The following MSRA variants were observed in gnomAD, a reference collection of about 807,000 sequenced individuals.
The protein encoded by MSRA is mitochondrial peptide methionine sulfoxide reductase.
MSRA carries 54 observed loss-of-function variants against 31.3 expected under a neutral mutation model. The observed-to-expected ratio is 1.73, with a 90% CI of 1.39 to 2.17. The LOEUF (loss-of-function observed/expected upper bound fraction) is 2.17, where lower values mean the gene tolerates loss of function less well. Ranked by LOEUF, MSRA falls within the 30% of genes most tolerant of loss-of-function variation. The pLI, the probability that MSRA is intolerant of heterozygous loss-of-function variation, is 0.00. For missense variants in MSRA, 507 were observed against 300.9 expected (o/e 1.69, Z -5.07); for synonymous variants, 169 against 116.5 (o/e 1.45, Z -2.90).
chr8:10,185,926 CAGAGGGGTTATTGA>C (rs1807008166), intron 1 of MSRA, among the ~76,000 whole-genome samples: 1 of 151,878 alleles, frequency 6.6e-6, no homozygotes. Flanking sequence ...AAGCACAACT[CAGAGGGGTTATTGA>C]CCTGTGCAAA....
chr8:10,213,432 CTT>C (rs1198665886), intron 2 of MSRA, among the ~76,000 whole-genome samples: 851 of 76,674 alleles, frequency 0.011, 9 homozygotes, highest in African/African-American at 0.042. Flanking sequence ...ACCACACTTT[CTT>C]TTTTTTTTTT....
chr8:10,188,882 A>C (rs1430510401), intron 1 of MSRA, among the ~76,000 whole-genome samples: 2 of 152,226 alleles, frequency 1.3e-5, no homozygotes, highest in African/African-American at 4.8e-5. Flanking sequence ...TAAACTTTAG[A>C]GTCAATTCAT....
chr8:10,198,829 A>G (rs371526369), intron 1 of MSRA, among the ~76,000 whole-genome samples: 13 of 152,196 alleles, frequency 8.5e-5, no homozygotes, highest in South Asian at 4.1e-4. Context: ...GAGTCTCGCT[A>G]TGTTGCCCAG....
chr8:10,322,462 C>G (rs1483848288), intron 5 of MSRA, among the ~76,000 whole-genome samples: 1 of 152,094 alleles, frequency 6.6e-6, no homozygotes, highest in Non-Finnish European at 1.5e-5. Flanking sequence ...AGGGACAGGT[C>G]CAGGTCCAGG....
At chr8:10,354,785 A>G (rs1004386818) in intron 5 of MSRA, among the ~76,000 whole-genome samples, 7 of 146,988 alleles carry the variant, frequency 4.8e-5, no homozygotes, top group Non-Finnish European at 1.0e-4. Context: ...TATACCAGTT[A>G]TATAATAAAA....
chr8:10,302,618 A>T (rs527386583), intron 4 of MSRA, among the ~76,000 whole-genome samples: 1 of 152,198 alleles, frequency 6.6e-6, no homozygotes, highest in African/African-American at 2.4e-5. Context: ...ATCCCATTCT[A>T]GGGCTTTTTG....
chr8:10,252,886 G>C (rs75155943), intron 3 of MSRA, among the ~76,000 whole-genome samples: 1 of 152,178 alleles, frequency 6.6e-6, no homozygotes, highest in Non-Finnish European at 1.5e-5. Context: ...TAAAATTTGA[G>C]TGACTCTATG....
chr8:10,320,593 T>C (rs1801994503), intron 5 of MSRA, among the ~76,000 whole-genome samples: 1 of 152,260 alleles, frequency 6.6e-6, no homozygotes, highest in South Asian at 2.1e-4. Flanking sequence ...TCTGAAACTC[T>C]CTCTTTTTTT....
At chr8:10,107,847 A>G (rs1410424707) in intron 1 of MSRA, among the ~76,000 whole-genome samples, 1 of 152,164 alleles carries the variant, frequency 6.6e-6, no homozygotes, top group African/African-American at 2.4e-5. Flanking sequence ...TACCTAAATT[A>G]TCCCCGGATA....
intron 1 of MSRA, among the ~76,000 whole-genome samples, chr8:10,055,401 G>C (rs930958681): frequency 4.6e-5 from 7 of 152,216 alleles, no homozygotes; most frequent in Admixed American, 4.6e-4. Context: ...TCAAAATCTT[G>C]GCAATTTCTG....
intron 3 of MSRA, among the ~76,000 whole-genome samples, chr8:10,293,781 G>T (rs1336810763): frequency 1.3e-5 from 2 of 151,810 alleles, no homozygotes; most frequent in Non-Finnish European, 2.9e-5. Flanking sequence ...TTGCCCTCTG[G>T]GGCTCCTGTG....
At chr8:10,324,121 C>A (rs34704307) in intron 5 of MSRA, among the ~76,000 whole-genome samples, 3 of 152,234 alleles carry the variant, frequency 2.0e-5, no homozygotes, top group Non-Finnish European at 4.4e-5. Flanking sequence ...GCTGTGGTCT[C>A]TTTTGCACTG....
At chr8:10,105,769 C>T (rs921290537) in intron 1 of MSRA, among the ~76,000 whole-genome samples, 4 of 152,160 alleles carry the variant, frequency 2.6e-5, no homozygotes, top group African/African-American at 9.7e-5. Context: ...GTGGCTGAGG[C>T]TCCTTGTGTA....
At chr8:10,168,401 G>A (rs1002875086) in intron 1 of MSRA, among the ~76,000 whole-genome samples, 4 of 152,124 alleles carry the variant, frequency 2.6e-5, no homozygotes. Context: ...ATGTCACTGG[G>A]CATCTCCAGC....
rs548312102 is a variant in MSRA, at chr8:10,154,330, C to T, written c.143-53503C>T. On this transcript the variant is annotated intron_variant, in intron 1 of 5. Transcript: ENST00000317173. The stretch of plus-strand genomic sequence containing the variant: ...AGCACCCAAATCGGCTTCACTGCTT[C>T]AATACGATGGAAGGCTGAAGGACAC... Among the ~76,000 whole-genome samples the T allele has an allele frequency of 4.6e-5, 7 of 152,130 alleles. No homozygotes were observed. The East Asian group carries it at 1.4e-3, about 29-fold the overall frequency.
chr8:10,148,912 C>T (rs920847478), intron 1 of MSRA, among the ~76,000 whole-genome samples: 5 of 149,988 alleles, frequency 3.3e-5, no homozygotes, highest in Non-Finnish European at 1.5e-5. Context: ...CCGATGAGTC[C>T]GAGTGAGGGG....
chr8:10,348,693 G>C, intron 5 of MSRA, among the ~76,000 whole-genome samples: 1 of 152,066 alleles, frequency 6.6e-6, no homozygotes, highest in African/African-American at 2.4e-5. Flanking sequence ...TAGAAGTTCA[G>C]TTCATACTAC....
At chr8:10,272,737 A>C (rs1442566366) in intron 3 of MSRA, among the ~76,000 whole-genome samples, 1 of 152,184 alleles carries the variant, frequency 6.6e-6, no homozygotes, top group Admixed American at 6.5e-5. Flanking sequence ...ATGTAGATTT[A>C]TGTGTTTATT....
chr8:10,260,840 A>G (rs1798442045), intron 3 of MSRA, among the ~76,000 whole-genome samples: 1 of 152,184 alleles, frequency 6.6e-6, no homozygotes, highest in African/African-American at 2.4e-5. Flanking sequence ...TCACTTCTGA[A>G]TGTTGTAATC....
Sources: allele counts gnomAD v4.1 joint callset (sites outside exome capture counted in the v4.1 genomes callset), GRCh38; gene constraint gnomAD v4.1.1; transcripts MANE v1.5; gene names NCBI Gene and HGNC (gene_info 2026-07-23, HGNC 2026-07-21).